SPON1: variants seen among roughly 807,000 people sequenced by gnomAD.
SPON1 encodes the protein spondin 1.
In SPON1, 52 loss-of-function variants were observed where a neutral mutation model predicts 111.7. The observed-to-expected ratio is 0.47, with a 90% CI of 0.37 to 0.59. The LOEUF is 0.59. SPON1 is among the 20% of genes least tolerant of loss of function. The pLI is 0.00. For synonymous variants in SPON1, 410 were observed against 395.8 expected, an observed-to-expected ratio of 1.04 and a Z score of -0.43; for missense variants, 957 against 1,068.5, an observed-to-expected ratio of 0.90 and a Z score of 1.46.
intron 6 of SPON1, among the ~76,000 whole-genome samples, chr11:14,137,126 T>A (rs1337269879): frequency 1.3e-5 from 2 of 152,228 alleles, no homozygotes; most frequent in Non-Finnish European, 2.9e-5. Flanking sequence ...TTGTTGGCTT[T>A]CTTGAGAGGT....
chr11:14,102,226 C>A (rs1457979369), intron 5 of SPON1, among the ~76,000 whole-genome samples: 4 of 152,080 alleles, frequency 2.6e-5, no homozygotes, highest in African/African-American at 9.7e-5. Context: ...AATACTGTAT[C>A]ATATCACTAT....
intron 6 of SPON1, among the ~76,000 whole-genome samples, chr11:14,215,431 G>A (rs1242221524): frequency 1.3e-5 from 2 of 152,144 alleles, no homozygotes; most frequent in African/African-American, 2.4e-5. Context: ...AACTTCAAGG[G>A]GTATCTTGAA....
At chr11:14,213,710 T>C (rs148181865) in intron 6 of SPON1, among the ~76,000 whole-genome samples, 12 of 152,302 alleles carry the variant, frequency 7.9e-5, no homozygotes, top group African/African-American at 2.6e-4. Context: ...TGACTAGCTA[T>C]AATACAAGGG....
chr11:14,079,504 T>C (rs1236479845), intron 4 of SPON1, among the ~76,000 whole-genome samples: 1 of 152,156 alleles, frequency 6.6e-6, no homozygotes, highest in African/African-American at 2.4e-5. Flanking sequence ...CACACATGTG[T>C]ATTCCTCCTA....
At chr11:14,161,951 C>A (rs549108216) in intron 6 of SPON1, among the ~76,000 whole-genome samples, 3 of 151,450 alleles carry the variant, frequency 2.0e-5, no homozygotes, top group South Asian at 2.1e-4. Flanking sequence ...GTCAGGAGTT[C>A]GAGACCAGCC....
chr11:14,240,047 A>G (rs987953620), intron 6 of SPON1, among the ~76,000 whole-genome samples: 16 of 152,224 alleles, frequency 1.1e-4, no homozygotes, highest in Admixed American at 1.3e-4. Context: ...AAATACGTAC[A>G]TGAGTCTTCA....
At chr11:13,992,152 GC>G (rs1279858024) in intron 2 of SPON1, among the ~76,000 whole-genome samples, 2 of 152,336 alleles carry the variant, frequency 1.3e-5, no homozygotes, top group Admixed American at 1.3e-4. Flanking sequence ...TGCTGAAGCT[GC>G]AACCATAGCT....
chr11:14,143,539 C>T (rs1465018084), intron 6 of SPON1, among the ~76,000 whole-genome samples: 1 of 148,138 alleles, frequency 6.8e-6, no homozygotes, highest in Non-Finnish European at 1.5e-5. Flanking sequence ...CCAGCCTGGG[C>T]GACAGAGTCA....
intron 6 of SPON1, among the ~76,000 whole-genome samples, chr11:14,229,953 TG>T (rs1554938496): frequency 4.4e-5 from 1 of 22,788 alleles, no homozygotes; most frequent in East Asian, 8.7e-4. Context: ...TGTGTGTCCG[TG>T]TGTGTGTGTG....
At position 14,047,582 on chromosome 11, in the gene SPON1, T is replaced by C. The variant is rs117812233; in HGVS notation, c.479+5928T>C. On this transcript the variant is annotated intron_variant, in intron 3 of 15. Coordinates refer to ENST00000576479, the MANE Select transcript of SPON1 (RefSeq NM_006108.4). ...ATATTAATGGGGGACAAATTAAACATGGTAAGAGTTCAGAGAGGAGATGAA... is the reference window on the plus strand; with the variant it reads ...ATATTAATGGGGGACAAATTAAACACGGTAAGAGTTCAGAGAGGAGATGAA... Among the ~76,000 whole-genome samples, 217 of 152,220 alleles carry C rather than the reference T, an allele frequency of 1.4e-3. 1 individual carries two copies. The highest frequency in any genetic ancestry group is 2.0e-3 in the Non-Finnish European group (135 of 68,006).
intron 6 of SPON1, among the ~76,000 whole-genome samples, chr11:14,165,703 C>T (rs1554931826): frequency 6.6e-6 from 1 of 152,184 alleles, no homozygotes; most frequent in African/African-American, 2.4e-5. Context: ...CAACAGTGTA[C>T]TATAGCTTTT....
intron 6 of SPON1, among the ~76,000 whole-genome samples, chr11:14,165,622 T>C (rs562400540): frequency 6.6e-6 from 1 of 152,198 alleles, no homozygotes; most frequent in South Asian, 2.1e-4. Context: ...AAGCATTAGT[T>C]TGGGGACTTC....
At chr11:14,223,253 A>G (rs1413023616) in intron 6 of SPON1, among the ~76,000 whole-genome samples, 9 of 152,178 alleles carry the variant, frequency 5.9e-5, no homozygotes, top group Non-Finnish European at 1.3e-4. Context: ...GATCCCAGCT[A>G]CTTAGGAGGC....
intron 3 of SPON1, among the ~76,000 whole-genome samples, chr11:14,066,889 C>T (rs1349288178): frequency 3.9e-5 from 6 of 152,116 alleles, no homozygotes; most frequent in Non-Finnish European, 7.3e-5. Context: ...CACCAAAAAC[C>T]GTCAGTGTGG....
At chr11:13,998,165 T>A (rs1215798081) in intron 2 of SPON1, among the ~76,000 whole-genome samples, 1 of 152,180 alleles carries the variant, frequency 6.6e-6, no homozygotes, top group Admixed American at 6.5e-5. Context: ...GTAGGCACTC[T>A]TATTATTATT....
intron 6 of SPON1, among the ~76,000 whole-genome samples, chr11:14,163,416 C>T (rs1425423486): frequency 2.6e-5 from 4 of 152,130 alleles, no homozygotes; most frequent in African/African-American, 4.8e-5. Context: ...GGTGGGCTCC[C>T]GCCTGTCAGG....
intron 6 of SPON1, among the ~76,000 whole-genome samples, chr11:14,154,488 G>A (rs1394406814): frequency 6.6e-6 from 1 of 152,220 alleles, no homozygotes. Flanking sequence ...AGGCTAGGAT[G>A]CAGGGCATCA....
At chr11:14,099,427 A>T (rs76173760) in intron 5 of SPON1, among the ~76,000 whole-genome samples, 1,768 of 151,984 alleles carry the variant, frequency 0.012, 33 homozygotes, top group African/African-American at 0.041. Flanking sequence ...TAGTATGCTG[A>T]TTTTCCCATT....
intron 6 of SPON1, among the ~76,000 whole-genome samples, chr11:14,189,882 C>T (rs1300412616): frequency 6.6e-6 from 1 of 152,118 alleles, no homozygotes; most frequent in Admixed American, 6.6e-5. Context: ...AAGTTAGAAA[C>T]ACAGACAGTT....
Sources: allele counts gnomAD v4.1 joint callset (sites outside exome capture counted in the v4.1 genomes callset), GRCh38; gene constraint gnomAD v4.1.1; transcripts MANE v1.5; gene names NCBI Gene and HGNC (gene_info 2026-07-23, HGNC 2026-07-21).